The following SPATC1 variants were observed in gnomAD, a reference collection of about 807,000 sequenced individuals.
SPATC1 encodes spermatogenesis and centriole associated 1.
A neutral mutation model predicts 36.5 loss-of-function variants in SPATC1; 35 were observed. The observed-to-expected ratio is 0.96, with a 90% confidence interval of 0.73 to 1.27. The LOEUF (loss-of-function observed/expected upper bound fraction) is 1.27, where lower values mean the gene tolerates loss of function less well. SPATC1 is among the 50% of genes most tolerant of loss of function. The probability of loss-of-function intolerance (pLI) is 0.00; values close to 1 mark genes in which losing one functional copy is unlikely to be tolerated. For synonymous variants in SPATC1, 361 were observed against 353.6 expected, an observed-to-expected ratio of 1.02 and a Z score of -0.24; for missense variants, 779 against 796.0, an observed-to-expected ratio of 0.98 and a Z score of 0.26.
At chr8:144,028,397 T>A (rs1197287285) in intron 1 of SPATC1, among the ~76,000 whole-genome samples, 2 of 149,072 alleles carry the variant, frequency 1.3e-5, no homozygotes, top group African/African-American at 4.9e-5. Context: ...GCAAAGGACA[T>A]GAACAGGCGC....
At chr8:144,038,842 G>T (rs1389550076) in intron 1 of SPATC1, among the ~76,000 whole-genome samples, 1 of 152,140 alleles carries the variant, frequency 6.6e-6, no homozygotes, top group Admixed American at 6.5e-5. Context: ...CGGGTTGCCC[G>T]TGGCTGCCTT....
chr8:144,013,351 C>A (rs1396134079), intron 1 of SPATC1, among the ~76,000 whole-genome samples: 5 of 152,160 alleles, frequency 3.3e-5, no homozygotes, highest in Non-Finnish European at 7.3e-5. Flanking sequence ...TTCAACTCTC[C>A]ACTAGAACTC....
Position 144,041,228 on chromosome 8 carries a change from C to T in SPATC1, c.1307-4C>T, listed in dbSNP as rs1336781974. The T allele has an allele frequency of 1.2e-6, 2 of 1,613,106 alleles. No homozygotes were observed. The highest frequency in any genetic ancestry group is 2.7e-5 in the African/African-American group (2 of 74,934). ...CCTGGGCTGACGAGACCCTGTGTCC[C>T]CAGAGTCGAAGCAGCTGGCCTGGGA... On this transcript the variant is annotated splice_polypyrimidine_tract_variant and splice_region_variant and intron_variant, in intron 3 of 4. Transcript: ENST00000377470.
intron 4 of SPATC1, chr8:144,041,912 G>A (rs1554756153): frequency 1.0e-6 from 1 of 983,956 alleles, no homozygotes; most frequent in African/African-American, 1.7e-5. Flanking sequence ...GGTCCAGGTT[G>A]GAGCTTTGCC....
chr8:144,023,937 TCCC>T, intron 1 of SPATC1, among the ~76,000 whole-genome samples: 1 of 83,058 alleles, frequency 1.2e-5, no homozygotes, highest in African/African-American at 4.8e-5. Flanking sequence ...CTAAAAACCT[TCCC>T]CCCTCAGGAC....
At position 144,012,320 on chromosome 8, in the gene SPATC1, G is replaced by A. The variant is rs1834293933; in HGVS notation, c.-196G>A. On this transcript the variant is annotated 5_prime_UTR_variant, in exon 1 of 5. Coordinates refer to ENST00000377470, the MANE Select transcript of SPATC1 (RefSeq NM_198572.3). The stretch of plus-strand genomic sequence containing the variant: ...GCAAGGCCTGTGTACAGGCCTGGTG[G>A]CATGGAGAGCTGAGGGTGTTAGAGC... 3.3e-6 allele frequency: 2 copies of A among 599,014 alleles called. No individual in the cohort carries two copies. 37.1% of individuals were successfully genotyped at this position (599,014 alleles called of 1,614,324 possible). A position where few individuals can be genotyped will look rare whatever the true frequency, so the allele number is the denominator to read the frequency against.
chr8:144,023,014 C>A (rs1834573036), intron 1 of SPATC1, among the ~76,000 whole-genome samples: 1 of 123,624 alleles, frequency 8.1e-6, no homozygotes. Flanking sequence ...TCCCTCAAGA[C>A]CCTCTTCCCT....
rs532024396 is a variant in SPATC1, at chr8:144,013,155, C to CCTAG, written c.211+430_211+433dup. Among the ~76,000 whole-genome samples, 563 of 152,288 alleles carry CCTAG rather than the reference C, an allele frequency of 3.7e-3. 2 individuals are homozygous for CCTAG. Among genetic ancestry groups the CCTAG allele is most frequent in the African/African-American group, 0.012 (513 of 41,544 alleles). On this transcript the variant is annotated intron_variant, in intron 1 of 4. Transcript: ENST00000377470. ...GCTCTAGAACGGTCACAAGTGCCTTCCTAGGTGCTGCATCCTTCTCCACCT... is the reference window on the plus strand; with the variant it reads ...GCTCTAGAACGGTCACAAGTGCCTTCCTAGCTAGGTGCTGCATCCTTCTCCACCT...
intron 4 of SPATC1, among the ~76,000 whole-genome samples, 192 bp downstream of exon 4, chr8:144,041,563 G>A (rs1234283661): frequency 3.9e-5 from 6 of 152,260 alleles, no homozygotes; most frequent in Admixed American, 2.0e-4. Flanking sequence ...TCTCCTCAGA[G>A]GAAGGCGAGG....
At chr8:144,020,355 T>C (rs1341999866) in intron 1 of SPATC1, among the ~76,000 whole-genome samples, 1 of 148,208 alleles carries the variant, frequency 6.7e-6, no homozygotes, top group Non-Finnish European at 1.5e-5. Flanking sequence ...CTCAGAACCC[T>C]TTCCCCCGAG....
intron 1 of SPATC1, among the ~76,000 whole-genome samples, chr8:144,031,450 CTTTTTTTT>C (rs1176896425): frequency 2.6e-5 from 3 of 116,690 alleles, no homozygotes; most frequent in African/African-American, 6.4e-5. Context: ...ATTTTTTTTT[CTTTTTTTT>C]TTTTTTTTTT....
chr8:144,040,558 A>T lies in SPATC1; in HGVS notation c.767-10A>T. The T allele has an allele frequency of 6.3e-7, 1 of 1,575,680 alleles. No homozygotes were observed. Among genetic ancestry groups the T allele is most frequent in the Non-Finnish European group, 8.6e-7 (1 of 1,161,322 alleles). ...CCCTTTTTTTATTTCTGTTCCCTCC[A>T]CATCACTAGTCCCACTCTCCACTGA... is the stretch of plus-strand genomic sequence containing the variant. On this transcript the variant is annotated splice_polypyrimidine_tract_variant and intron_variant, in intron 2 of 4. Transcript: ENST00000377470.
chr8:144,026,830 C>T (rs1160975569), intron 1 of SPATC1, among the ~76,000 whole-genome samples: 13 of 132,132 alleles, frequency 9.8e-5, no homozygotes, highest in Non-Finnish European at 1.7e-4. Context: ...TTTTTTGAGA[C>T]GGAGTCTCGC....
chr8:144,015,740 CAAAAAA>C (rs374846456), intron 1 of SPATC1, among the ~76,000 whole-genome samples: 3 of 81,442 alleles, frequency 3.7e-5, no homozygotes, highest in Non-Finnish European at 4.8e-5. Context: ...GACTCTGTCT[CAAAAAA>C]AAAAAAAAAA....
intron 4 of SPATC1, chr8:144,042,070 GA>G (rs1835116830): frequency 1.1e-6 from 1 of 914,490 alleles, no homozygotes. Context: ...GACTCCACCT[GA>G]AAAAGAAAAA....
chr8:144,011,688 T>G (rs1834285249), upstream of SPATC1, among the ~76,000 whole-genome samples: 1 of 152,076 alleles, frequency 6.6e-6, no homozygotes, highest in South Asian at 2.1e-4. This position sits in a 1 kb window ranked among gnomAD's most constrained non-coding sequence, Gnocchi z 4.5. Flanking sequence ...GGATGCAGTC[T>G]TGGGCTCCTG....
At chr8:144,024,266 C>T (rs1022714832) in intron 1 of SPATC1, among the ~76,000 whole-genome samples, 10 of 149,466 alleles carry the variant, frequency 6.7e-5, no homozygotes, top group African/African-American at 2.5e-4. Context: ...GACCTACTCA[C>T]TCCCCTGAGG....
Position 144,046,713 on chromosome 8 carries a change from G to A in SPATC1, c.1533G>A (p.Leu511=). The A allele has an allele frequency of 6.2e-7, 1 of 1,612,598 alleles. No homozygotes were observed. Among genetic ancestry groups the A allele is most frequent in the Non-Finnish European group, 8.5e-7 (1 of 1,179,988 alleles). The change falls in exon 5 of 5, where the codon CTG becomes CTA. Residue 511 remains leucine, a synonymous_variant. Transcript: ENST00000377470. This position sits in a 1 kb window ranked among gnomAD's most constrained non-coding sequence, Gnocchi z 6.6. ...GCTATGTGAGCGTCATGAACAGGCTGCAGAGTCTGGGCTACAACGGGCGGG... is the reference window on the plus strand; with the variant it reads ...GCTATGTGAGCGTCATGAACAGGCTACAGAGTCTGGGCTACAACGGGCGGG... ...TQRYVSVMNR[L]QSLGYNGRVH...
chr8:144,030,943 GTTA>G (rs1834780988), intron 1 of SPATC1, among the ~76,000 whole-genome samples: 1 of 150,158 alleles, frequency 6.7e-6, no homozygotes, highest in African/African-American at 2.4e-5. Flanking sequence ...CCCCCTTTAT[GTTA>G]TTATTGTCAC....
Sources: gnomAD v4.1 joint callset for allele counts (sites outside exome capture counted in the v4.1 genomes callset) on GRCh38, gnomAD v4.1.1 for gene constraint, Gnocchi (gnomAD v3.1) non-coding constraint, MANE v1.5 for transcripts, NCBI Gene and HGNC (gene_info 2026-07-23, HGNC 2026-07-21) for gene names.